Variants in ZC3H3 observed in about 807,000 individuals in gnomAD.
The protein encoded by ZC3H3 is zinc finger CCCH domain-containing protein 3.
Under a neutral mutation model 77.3 loss-of-function variants are expected in ZC3H3, and 36 were observed. The ratio of observed to expected loss-of-function variants is 0.47; its 90% confidence interval spans 0.36 to 0.61. The LOEUF is 0.61. Among genes scored for constraint, ZC3H3 ranks in the 20% least tolerant of loss-of-function variants. ZC3H3 has a pLI of 0.00. For missense variants in ZC3H3, 1,331 were observed against 1,312.2 expected, an observed-to-expected ratio of 1.01 and a Z score of -0.22; for synonymous variants, 626 against 555.2, an observed-to-expected ratio of 1.13 and a Z score of -1.79.
chr8:143,530,375 G>A lies in ZC3H3; in HGVS notation c.1561+5882C>T, dbSNP rs61380234. 0.017 allele frequency among the ~76,000 whole-genome samples: 2,655 copies of A among 152,264 alleles called. 81 individuals are homozygous for A. Among genetic ancestry groups the A allele is most frequent in the African/African-American group, 0.061 (2,523 of 41,534 alleles). ...CCATCCTGGGTGGGTGAAGCAGAGAGGGCCCTCCCACTCCAGCAGATGACG... is the reference window on the plus strand; with the variant it reads ...CCATCCTGGGTGGGTGAAGCAGAGAAGGCCCTCCCACTCCAGCAGATGACG... On this transcript the variant is annotated intron_variant, in intron 3 of 11. Coordinates refer to ENST00000262577, the MANE Select transcript of ZC3H3 (RefSeq NM_015117.3). The surrounding 1 kb of genome is among the most constrained non-coding windows in gnomAD (Gnocchi z 4.3).
intron 9 of ZC3H3, among the ~76,000 whole-genome samples, chr8:143,448,563 G>T (rs775017021): frequency 6.6e-6 from 1 of 152,238 alleles, no homozygotes; most frequent in Non-Finnish European, 1.5e-5. Flanking sequence ...GTGATGCAAG[G>T]GGAGGGCTCC....
At chr8:143,464,112 G>A (rs1405868092) in intron 9 of ZC3H3, among the ~76,000 whole-genome samples, 2 of 152,248 alleles carry the variant, frequency 1.3e-5, no homozygotes, top group African/African-American at 2.4e-5. Context: ...GCAGGCCCGG[G>A]CTGCCGCCTG....
At chr8:143,528,736 G>A (rs1455517368) in intron 3 of ZC3H3, among the ~76,000 whole-genome samples, 7 of 152,156 alleles carry the variant, frequency 4.6e-5, no homozygotes, top group African/African-American at 9.6e-5. Flanking sequence ...TCGGTTGCCC[G>A]CTAAGCATGG....
chr8:143,495,826 C>A (rs1169563200), intron 4 of ZC3H3, among the ~76,000 whole-genome samples: 3 of 149,600 alleles, frequency 2.0e-5, no homozygotes, highest in Non-Finnish European at 4.4e-5. Context: ...TGGTCTTGAA[C>A]TCGCAGGCTC....
intron 5 of ZC3H3, 46 bp from the exon 6 acceptor site, chr8:143,468,705 C>T (rs375682507): frequency 2.0e-6 from 3 of 1,527,212 alleles, no homozygotes; most frequent in South Asian, 2.4e-5. Flanking sequence ...CAGCCTGGCC[C>T]GCACGCCCTT....
intron 9 of ZC3H3, among the ~76,000 whole-genome samples, chr8:143,448,684 T>C (rs999626316): frequency 3.3e-5 from 5 of 152,236 alleles, no homozygotes; most frequent in African/African-American, 1.2e-4. Flanking sequence ...TGGTGCAAGC[T>C]GTCGGTGGAT....
chr8:143,464,289 T>C (rs1398054010), intron 9 of ZC3H3, among the ~76,000 whole-genome samples: 3 of 152,236 alleles, frequency 2.0e-5, no homozygotes, highest in Non-Finnish European at 4.4e-5. Flanking sequence ...AATCGAAACA[T>C]TTTACAATAA....
At chr8:143,463,353 G>A (rs920966804) in intron 9 of ZC3H3, among the ~76,000 whole-genome samples, 1 of 152,160 alleles carries the variant, frequency 6.6e-6, no homozygotes, top group Non-Finnish European at 1.5e-5. Flanking sequence ...CGGGTGCTGG[G>A]AGCATCTGGG....
intron 3 of ZC3H3, among the ~76,000 whole-genome samples, chr8:143,513,140 G>C (rs1051681895): frequency 6.6e-6 from 1 of 152,108 alleles, no homozygotes; most frequent in Non-Finnish European, 1.5e-5. Context: ...TGCATGGCTG[G>C]CACCATGCTC....
chr8:143,499,072 G>A (rs1260063682), intron 4 of ZC3H3, among the ~76,000 whole-genome samples: 2 of 152,094 alleles, frequency 1.3e-5, no homozygotes, highest in East Asian at 1.9e-4. Context: ...CACGCAAGCC[G>A]CATTTCTGGG....
chr8:143,481,850 C>T (rs1231220639), intron 4 of ZC3H3, among the ~76,000 whole-genome samples: 2 of 152,254 alleles, frequency 1.3e-5, no homozygotes, highest in Non-Finnish European at 2.9e-5. Flanking sequence ...ACCCCCTGCC[C>T]AGGGCCCTCA....
intron 5 of ZC3H3, among the ~76,000 whole-genome samples, chr8:143,471,300 G>C (rs116005956): frequency 0.034 from 5,162 of 152,346 alleles, 280 homozygotes; most frequent in African/African-American, 0.12. Context: ...GCAGCCAGCG[G>C]CAGAGGGTGC....
chr8:143,441,752 A>G (rs1819747906), intron 9 of ZC3H3, among the ~76,000 whole-genome samples: 1 of 152,140 alleles, frequency 6.6e-6, no homozygotes, highest in African/African-American at 2.4e-5. Flanking sequence ...CCAGCGGCCC[A>G]GCCTGGCCTG....
chr8:143,462,428 C>T lies in ZC3H3; in HGVS notation c.2307+3289G>A, dbSNP rs530700724. Among the ~76,000 whole-genome samples, 1 of 152,286 alleles carries T rather than the reference C, an allele frequency of 6.6e-6. No individual in the cohort carries two copies. Among genetic ancestry groups the T allele is most frequent in the African/African-American group, 2.4e-5 (1 of 41,560 alleles). Reference sequence around the variant, plus strand: ...CTTGCCTCATAAAGGACGAAGGATTCGGCCTAACAAAGGGCAGCACTGGCG... The same window carrying T: ...CTTGCCTCATAAAGGACGAAGGATTTGGCCTAACAAAGGGCAGCACTGGCG... On this transcript the variant is annotated intron_variant, in intron 9 of 11. Coordinates refer to ENST00000262577, the MANE Select transcript of ZC3H3 (RefSeq NM_015117.3). The surrounding 1 kb of genome is among the most constrained non-coding windows in gnomAD (Gnocchi z 4.7).
chr8:143,481,212 C>T (rs1244467154), intron 4 of ZC3H3, among the ~76,000 whole-genome samples: 1 of 152,216 alleles, frequency 6.6e-6, no homozygotes, highest in Non-Finnish European at 1.5e-5. Context: ...ACCCAGCTCC[C>T]AGGCCCAGTG....
Position 143,440,337 on chromosome 8 carries a change from G to T in ZC3H3, c.2519C>A (p.Thr840Asn). 1 of 1,538,072 alleles carries T rather than the reference G, an allele frequency of 6.5e-7. No homozygotes were observed. ...GGCAGCCGAGCTGGGCGTCTGCCTG[G>T]TGGGGCGCTGGGATGCTGAAGGCTT... ...PRKPSASQRP[T>N]RQTPSSAALT... The change falls in exon 11 of 12, where the codon ACC becomes AAC. Residue 840 changes from threonine (T) to asparagine (N), a missense_variant. By Grantham distance (65) the Thr-to-Asn change is moderately conservative (BLOSUM62 0). Coordinates refer to ENST00000262577, the MANE Select transcript of ZC3H3 (RefSeq NM_015117.3).
chr8:143,525,814 A>G (rs1822393614), intron 3 of ZC3H3, among the ~76,000 whole-genome samples: 1 of 152,252 alleles, frequency 6.6e-6, no homozygotes, highest in Non-Finnish European at 1.5e-5. Context: ...ACAGGATGGG[A>G]CAGGAGGACA....
chr8:143,517,356 T>C (rs1338713231), intron 3 of ZC3H3, among the ~76,000 whole-genome samples: 1 of 152,102 alleles, frequency 6.6e-6, no homozygotes, highest in Non-Finnish European at 1.5e-5. Context: ...AGCAGGCAGC[T>C]AAGGGGGTTC....
At chr8:143,517,993 GCCA>G (rs1485511932) in intron 3 of ZC3H3, among the ~76,000 whole-genome samples, 1 of 151,844 alleles carries the variant, frequency 6.6e-6, no homozygotes, top group Non-Finnish European at 1.5e-5. Context: ...CGAGGCCCTG[GCCA>G]CCACGTCTCA....
Sources: gnomAD v4.1 joint callset for allele counts (sites outside exome capture counted in the v4.1 genomes callset) on GRCh38, gnomAD v4.1.1 for gene constraint, Gnocchi (gnomAD v3.1) non-coding constraint, MANE v1.5 for transcripts, NCBI Gene and HGNC (gene_info 2026-07-23, HGNC 2026-07-21) for gene names.